Variants in CHLSN observed in about 807,000 individuals in gnomAD.
The protein encoded by CHLSN is cholesin, also known as protein cholesin.
the CHLSN span, chr7:987,235 G>C: frequency 1.1e-5 from 17 of 1,531,300 alleles, no homozygotes; most frequent in Non-Finnish European, 1.3e-5. Context: ...GCCGGCACCC[G>C]GACGTGCAGG....
At chr7:1,121,326 G>A in the CHLSN span, among the ~76,000 whole-genome samples, 6 of 152,088 alleles carry the variant, frequency 3.9e-5, no homozygotes, top group African/African-American at 9.7e-5. Context: ...AAAACAATTC[G>A]GGCTCCCAGG....
the CHLSN span, chr7:1,092,481 G>A: frequency 6.2e-7 from 1 of 1,607,514 alleles, no homozygotes. Context: ...GTGGGCTGCG[G>A]CCCCGGCGGC....
the CHLSN span, among the ~76,000 whole-genome samples, chr7:992,378 C>T: frequency 6.6e-6 from 1 of 152,204 alleles, no homozygotes; most frequent in Non-Finnish European, 1.5e-5. Context: ...GCAGCAAGCT[C>T]GGAGGGTGAG....
the CHLSN span, chr7:986,572 G>A: frequency 3.1e-6 from 5 of 1,593,422 alleles, no homozygotes; most frequent in African/African-American, 1.3e-5. Flanking sequence ...CCTGCCCAGC[G>A]TGCAGCCCTG....
chr7:1,055,218 G>GGAGGGAGGGGCGGTGGCGCCTGCC, the CHLSN span: 1 of 470,674 alleles, frequency 2.1e-6, no homozygotes, highest in Non-Finnish European at 4.4e-6. Context: ...GTAAACAGCA[G>GGAGGGAGGGGCGGTGGCGCCTGCC]GAGGGAGGGG....
chr7:1,053,443 A>G, the CHLSN span, among the ~76,000 whole-genome samples: 24 of 152,328 alleles, frequency 1.6e-4, no homozygotes, highest in African/African-American at 5.5e-4. Context: ...GTCTCCTGTG[A>G]CCAGGAGAGG....
At chr7:1,074,821 C>T in the CHLSN span, 29 of 152,512 alleles carry the variant, frequency 1.9e-4, no homozygotes, top group African/African-American at 5.8e-4. Flanking sequence ...AGCAGCCGCT[C>T]GAGGGACCCG....
the CHLSN span, among the ~76,000 whole-genome samples, chr7:1,008,544 AC>A: frequency 6.6e-6 from 1 of 152,112 alleles, no homozygotes; most frequent in Admixed American, 6.5e-5. Context: ...TGATGACTCA[AC>A]TGGTTCCAGC....
the CHLSN span, among the ~76,000 whole-genome samples, chr7:1,072,963 A>C: frequency 1.3e-5 from 2 of 152,284 alleles, no homozygotes; most frequent in East Asian, 3.9e-4. Context: ...TTTAATCGTT[A>C]CAGGACTGAC....
chr7:1,081,397 T>C, the CHLSN span, among the ~76,000 whole-genome samples: 1 of 152,246 alleles, frequency 6.6e-6, no homozygotes, highest in Non-Finnish European at 1.5e-5. Context: ...CTCAGAATTC[T>C]TCCCTTTCCT....
chr7:1,001,805 A>G, the CHLSN span, among the ~76,000 whole-genome samples: 401 of 11,950 alleles, frequency 0.034, no homozygotes, highest in Admixed American at 0.048. Flanking sequence ...TCCTGTGGGT[A>G]GGGAGTCCTG....
At chr7:992,140 C>T in the CHLSN span, among the ~76,000 whole-genome samples, 10 of 152,148 alleles carry the variant, frequency 6.6e-5, no homozygotes, top group Non-Finnish European at 1.3e-4. Context: ...AACTGCTCCC[C>T]GGACGTCTGT....
the CHLSN span, among the ~76,000 whole-genome samples, chr7:1,076,922 T>C: frequency 0.57 from 87,225 of 152,174 alleles, 25,201 homozygotes; most frequent in African/African-American, 0.61. Context: ...AGCGAGGGGC[T>C]GGCCCCTGCT....
the CHLSN span, chr7:1,092,566 A>G: frequency 6.2e-7 from 1 of 1,610,596 alleles, no homozygotes; most frequent in East Asian, 2.2e-5. Context: ...CGTCTTCATC[A>G]GCGTGCACCT....
chr7:985,153 G>A, the CHLSN span: 4,072 of 1,593,156 alleles, frequency 2.6e-3, 30 homozygotes, highest in Admixed American at 3.0e-3. Context: ...CCTGAGGCCC[G>A]TCTCCCTCGC....
At chr7:1,116,382 A>G in the CHLSN span, among the ~76,000 whole-genome samples, 1 of 142,120 alleles carries the variant, frequency 7.0e-6, no homozygotes, top group African/African-American at 2.7e-5. Context: ...AGCTTCCATC[A>G]CCGACGCCCA....
At chr7:984,950 G>C in the CHLSN span, 1 of 1,597,554 alleles carries the variant, frequency 6.3e-7, no homozygotes, top group African/African-American at 1.3e-5. Context: ...CTGCCTACAG[G>C]CATCTTCTTC....
At chr7:1,136,445 T>TAA in the CHLSN span, among the ~76,000 whole-genome samples, 1 of 118,318 alleles carries the variant, frequency 8.5e-6, no homozygotes, top group Non-Finnish European at 1.6e-5. Flanking sequence ...TATATATAAA[T>TAA]ATATATAAAC....
At chr7:1,114,670 G>A in the CHLSN span, among the ~76,000 whole-genome samples, 2 of 152,260 alleles carry the variant, frequency 1.3e-5, no homozygotes, top group Non-Finnish European at 2.9e-5. Flanking sequence ...CATGGGTGAG[G>A]GAAAGAGATG....
Sources: gnomAD v4.1 joint callset for allele counts (sites outside exome capture counted in the v4.1 genomes callset) on GRCh38, gnomAD v4.1.1 for gene constraint, MANE v1.5 for transcripts, NCBI Gene and HGNC (gene_info 2026-07-23, HGNC 2026-07-21) for gene names.